Variants in MYT1 observed in about 807,000 individuals in gnomAD.
The protein encoded by MYT1 is myelin transcription factor 1.
In MYT1, 23 loss-of-function variants were observed where a neutral mutation model predicts 123.0. The ratio of observed to expected loss-of-function variants is 0.19; its 90% CI spans 0.13 to 0.26. The LOEUF (loss-of-function observed/expected upper bound fraction) is 0.26, where lower values mean the gene tolerates loss of function less well. Ranked by LOEUF, MYT1 falls within the 10% of genes least tolerant of loss-of-function variation. MYT1 has a pLI of 1.00. For synonymous variants in MYT1, 518 were observed against 575.3 expected, an observed-to-expected ratio of 0.90 and a Z score of 1.43; for missense variants, 1,125 against 1,472.5, an observed-to-expected ratio of 0.76 and a Z score of 3.86.
At chr20:64,182,022 T>C (rs1288526182) in intron 1 of MYT1, among the ~76,000 whole-genome samples, 1 of 152,174 alleles carries the variant, frequency 6.6e-6, no homozygotes, top group Non-Finnish European at 1.5e-5. Context: ...TGTGACTGGT[T>C]TCGTGTGGGC....
intron 1 of MYT1, among the ~76,000 whole-genome samples, chr20:64,180,799 A>G (rs1337673726): frequency 6.6e-6 from 1 of 152,194 alleles, no homozygotes; most frequent in Non-Finnish European, 1.5e-5. Flanking sequence ...TCGCTGGTGG[A>G]CCAAACAGTT....
chr20:64,225,836 A>G (rs1311787008), intron 16 of MYT1, among the ~76,000 whole-genome samples: 1 of 152,112 alleles, frequency 6.6e-6, no homozygotes, highest in Admixed American at 6.5e-5. Context: ...ATCGGGCCTT[A>G]GTGAGGACTG....
intron 22 of MYT1, 39 bp downstream of exon 22, chr20:64,239,942 C>T (rs200168510): frequency 1.5e-5 from 24 of 1,602,676 alleles, no homozygotes; most frequent in South Asian, 8.8e-5. Context: ...ACAGCTACCC[C>T]CCAGGGTCTC....
At chr20:64,217,372 G>T in intron 11 of MYT1, 91 bp downstream of exon 11, 1 of 1,366,600 alleles carries the variant, frequency 7.3e-7, no homozygotes, top group East Asian at 2.4e-5. Flanking sequence ...ACCCTCTCGA[G>T]GAGCTACTAG....
chr20:64,231,626 CCT>C lies in MYT1; in HGVS notation c.2676-537_2676-536del, dbSNP rs1193346009. Among the ~76,000 whole-genome samples the C allele has an allele frequency of 6.6e-6, 1 of 152,224 alleles. No homozygotes were observed. The highest frequency in any genetic ancestry group is 1.5e-5 in the Non-Finnish European group (1 of 68,038). Reference sequence around the variant, plus strand: ...GCTGCAACATCTATGGGCATTGCCCCCTGATTGCACTGGCCTCAGTCTGGGAG... The same window carrying C: ...GCTGCAACATCTATGGGCATTGCCCCGATTGCACTGGCCTCAGTCTGGGAG... On this transcript the variant is annotated intron_variant, in intron 18 of 22. Coordinates refer to ENST00000328439, the MANE Select transcript of MYT1 (RefSeq NM_004535.3). The surrounding 1 kb of genome is among the most constrained non-coding windows in gnomAD (Gnocchi z 6.4).
chr20:64,236,722 G>A (rs1487603968), intron 20 of MYT1, 76 bp downstream of exon 20: 1 of 1,318,862 alleles, frequency 7.6e-7, no homozygotes, highest in Non-Finnish European at 1.1e-6. Flanking sequence ...CTTTTGTGCT[G>A]GTGGGAAGAA....
intron 16 of MYT1, among the ~76,000 whole-genome samples, chr20:64,225,192 C>T (rs2320359): frequency 2.0e-5 from 3 of 151,906 alleles, no homozygotes; most frequent in Non-Finnish European, 4.4e-5. Context: ...TGGTGGTCTC[C>T]CCCCGCCACG....
Position 64,213,726 on chromosome 20 carries a change from T to G in MYT1, c.1631+79T>G. ...GGGCTTCTCAGTCTCCCGCAGGCTG[T>G]ATGTGCATGTGTGTGAGTGCATGTG... On this transcript the variant is annotated intron_variant, in intron 10 of 22. Coordinates refer to ENST00000328439, the MANE Select transcript of MYT1 (RefSeq NM_004535.3). The surrounding 1 kb of genome is among the most constrained non-coding windows in gnomAD (Gnocchi z 5.6). The G allele has an allele frequency of 8.5e-7, 1 of 1,170,482 alleles. No individual in the cohort carries two copies. Among genetic ancestry groups the G allele is most frequent in the Non-Finnish European group, 1.3e-6 (1 of 791,918 alleles). 72.5% of individuals were successfully genotyped at this position (1,170,482 alleles called of 1,614,324 possible).
chr20:64,205,906 TC>T, intron 6 of MYT1, 106 bp downstream of exon 6: 1 of 1,512,008 alleles, frequency 6.6e-7, no homozygotes, highest in East Asian at 2.3e-5. Context: ...AGAAAGCCCT[TC>T]CTGAGAACAA....
intron 14 of MYT1, 86 bp downstream of exon 14, chr20:64,222,133 C>G (rs1441963137): frequency 2.0e-6 from 3 of 1,490,148 alleles, no homozygotes; most frequent in Non-Finnish European, 9.2e-7. Flanking sequence ...CCATGACGAC[C>G]GGGTCTGCTC....
intron 2 of MYT1, among the ~76,000 whole-genome samples, chr20:64,195,437 CT>C (rs1375599149): frequency 4.5e-5 from 6 of 132,982 alleles, no homozygotes; most frequent in East Asian, 2.2e-4. Context: ...ACTCTGTCGC[CT>C]AGGCTGGAGT....
At chr20:64,217,913 C>T (rs1381688854) in intron 11 of MYT1, among the ~76,000 whole-genome samples, 1 of 152,244 alleles carries the variant, frequency 6.6e-6, no homozygotes, top group Non-Finnish European at 1.5e-5. Flanking sequence ...TTGTCACTTA[C>T]TGCCCTAATT....
intron 8 of MYT1, 112 bp downstream of exon 8, chr20:64,211,452 T>C: frequency 1.7e-6 from 2 of 1,169,458 alleles, no homozygotes; most frequent in Non-Finnish European, 2.4e-6. Flanking sequence ...AACCTTCCCC[T>C]TTGGTTTGTC....
chr20:64,228,011 A>G, intron 18 of MYT1, 40 bp downstream of exon 18: 2 of 1,587,950 alleles, frequency 1.3e-6, no homozygotes, highest in African/African-American at 1.3e-5. Context: ...GCATTGCGGA[A>G]TTGAGATTTT....
intron 2 of MYT1, among the ~76,000 whole-genome samples, chr20:64,195,360 G>C (rs1304283444): frequency 1.0e-4 from 8 of 78,212 alleles, no homozygotes; most frequent in Non-Finnish European, 1.9e-4. Flanking sequence ...AGAACTGTGT[G>C]TGTGTGTGTG....
chr20:64,227,782 A>AC, intron 17 of MYT1, 106 bp from the exon 18 acceptor site: 1 of 602,228 alleles, frequency 1.7e-6, no homozygotes. Context: ...ACTCCCTCCC[A>AC]CCCCACCCTG....
At position 64,196,426 on chromosome 20, in the gene MYT1, C is replaced by T. The variant is rs573143749; in HGVS notation, c.1-2436C>T. Among the ~76,000 whole-genome samples the T allele has an allele frequency of 1.3e-5, 2 of 152,290 alleles. No homozygotes were observed. Among genetic ancestry groups the T allele is most frequent in the East Asian group, 1.9e-4 (1 of 5,186 alleles). ...ACCTCTGAAGTGCTTTGACTTCTTT[C>T]GAAAAGAAAAGTGATGTAAATCAAG... On this transcript the variant is annotated intron_variant, in intron 2 of 22. Coordinates refer to ENST00000328439, the MANE Select transcript of MYT1 (RefSeq NM_004535.3). This position sits in a 1 kb window ranked among gnomAD's most constrained non-coding sequence, Gnocchi z 4.3.
chr20:64,169,872 A>T lies in MYT1; in HGVS notation c.-99+5133A>T, dbSNP rs1982197349. Among the ~76,000 whole-genome samples the T allele has an allele frequency of 2.6e-5, 4 of 152,190 alleles. No homozygotes were observed. The South Asian group carries it at 8.3e-4, about 32-fold the overall frequency. ...CTCATGAACGTGTTCTGTACTGGAC[A>T]CTGAGGCTGGGAGGCAAATTAGCTT... On this transcript the variant is annotated intron_variant, in intron 1 of 22. Transcript: ENST00000328439.
rs917723790 is a variant in MYT1 at position 64,232,922 on chromosome 20, C to T, written c.2897+537C>T. ...TCTGTCAGGCAGTGGGCCTGGGCAG[C>T]ATTCACCAACTCTCGCCTGCCCTCC... On this transcript the variant is annotated intron_variant, in intron 19 of 22. Coordinates refer to ENST00000328439, the MANE Select transcript of MYT1 (RefSeq NM_004535.3). This position sits in a 1 kb window ranked among gnomAD's most constrained non-coding sequence, Gnocchi z 6.9. Among the ~76,000 whole-genome samples the T allele has an allele frequency of 5.3e-5, 8 of 151,944 alleles. No individual in the cohort carries two copies. The highest frequency in any genetic ancestry group is 5.9e-5 in the Non-Finnish European group (4 of 67,948).
Sources: gnomAD v4.1 joint callset for allele counts (sites outside exome capture counted in the v4.1 genomes callset) on GRCh38, gnomAD v4.1.1 for gene constraint, Gnocchi (gnomAD v3.1) non-coding constraint, MANE v1.5 for transcripts, NCBI Gene and HGNC (gene_info 2026-07-23, HGNC 2026-07-21) for gene names.